The following UMAD1 variants were observed in gnomAD, a reference collection of about 807,000 sequenced individuals.
UMAD1 encodes the protein UBAP1-MVB12-associated (UMA)-domain containing protein 1.
A neutral mutation model predicts 6.1 loss-of-function variants in UMAD1; 8 were observed. That is an observed-to-expected ratio of 1.30 (90% CI 0.76 to 2.35). The LOEUF is 2.35. UMAD1 is among the 30% of genes most tolerant of loss of function. The pLI is 0.00. For missense variants in UMAD1, 130 were observed against 78.4 expected, an observed-to-expected ratio of 1.66 and a Z score of -2.49; for synonymous variants, 56 against 31.4, an observed-to-expected ratio of 1.78 and a Z score of -2.61.
intron 1 of UMAD1, chr7:7,641,537 C>T (rs900507778): frequency 6.6e-6 from 1 of 152,182 alleles, no homozygotes; most frequent in African/African-American, 2.4e-5. Context: ...CTGTCGTTGC[C>T]CTCCACACTG....
intron 3 of UMAD1, among the ~76,000 whole-genome samples, chr7:7,870,117 G>A (rs1260301594): frequency 9.2e-5 from 14 of 152,042 alleles, no homozygotes; most frequent in Admixed American, 9.2e-4. Flanking sequence ...TTTTTTAACA[G>A]GTTAACTGAT....
chr7:7,684,079 C>T (rs967681282), intron 2 of UMAD1, among the ~76,000 whole-genome samples: 3 of 152,194 alleles, frequency 2.0e-5, no homozygotes, highest in Non-Finnish European at 2.9e-5. Context: ...CTCCCATATA[C>T]TTTAAATCAT....
chr7:7,868,394 A>T (rs1164868738), intron 3 of UMAD1: 1 of 152,152 alleles, frequency 6.6e-6, no homozygotes, highest in Admixed American at 6.5e-5. Context: ...CATGGAACAG[A>T]TTACAGAAGC....
At chr7:7,714,278 A>T (rs1344385623) in intron 2 of UMAD1, among the ~76,000 whole-genome samples, 1 of 152,218 alleles carries the variant, frequency 6.6e-6, no homozygotes, top group Non-Finnish European at 1.5e-5. Flanking sequence ...AAATCCTTGG[A>T]TGTTGACAGC....
chr7:7,651,741 A>G (rs1450160822), intron 1 of UMAD1, among the ~76,000 whole-genome samples: 1 of 152,170 alleles, frequency 6.6e-6, no homozygotes, highest in Non-Finnish European at 1.5e-5. Flanking sequence ...GGCATTCATC[A>G]TATGTGACTC....
At chr7:7,790,606 G>A (rs922057290) in intron 2 of UMAD1, among the ~76,000 whole-genome samples, 2 of 152,186 alleles carry the variant, frequency 1.3e-5, no homozygotes, top group African/African-American at 4.8e-5. Flanking sequence ...CTCTGGCCTT[G>A]TAGTGTTTAG....
intron 2 of UMAD1, among the ~76,000 whole-genome samples, chr7:7,711,336 G>C (rs1780757859): frequency 6.6e-6 from 1 of 152,204 alleles, no homozygotes; most frequent in Non-Finnish European, 1.5e-5. Flanking sequence ...ACATATGTGA[G>C]CTTTCCTCTA....
chr7:7,644,354 CTT>C lies in UMAD1; in HGVS notation c.-64+3545_-64+3546del, dbSNP rs35141799. 9.2e-5 allele frequency among the ~76,000 whole-genome samples: 13 copies of C among 141,866 alleles called. 1 individual carries two copies. The highest frequency in any genetic ancestry group is 2.1e-4 in the African/African-American group (8 of 38,954). 93.1% of individuals were successfully genotyped at this position (141,866 alleles called of 152,430 possible). The stretch of plus-strand genomic sequence containing the variant: ...TTCCGTTTCCTTCCTTCATTCCATC[CTT>C]TTTTTTTTTTTATTAGGAAGACCTC... On this transcript the variant is annotated intron_variant, in intron 1 of 3. Coordinates refer to ENST00000682710, the MANE Select transcript of UMAD1 (RefSeq NM_001302348.2).
intron 3 of UMAD1, among the ~76,000 whole-genome samples, chr7:7,844,688 CA>C (rs1209595611): frequency 6.6e-6 from 1 of 152,130 alleles, no homozygotes; most frequent in Non-Finnish European, 1.5e-5. Flanking sequence ...TCTAAGAACA[CA>C]AGGCTGATTC....
chr7:7,778,273 T>TGGGA (rs1193832166), intron 2 of UMAD1, among the ~76,000 whole-genome samples: 1 of 94,782 alleles, frequency 1.1e-5, no homozygotes, highest in Non-Finnish European at 2.3e-5. Context: ...TGTGTGTGTG[T>TGGGA]GTGAGAGAGA....
At position 7,644,064 on chromosome 7, in the gene UMAD1, A is replaced by C. The variant is rs564101399; in HGVS notation, c.-64+3243A>C. ...GGTACCAGTTTACTCTCTTACCTGG[A>C]GTATAAGACAGTTTACAGTTATTGT... On this transcript the variant is annotated intron_variant, in intron 1 of 3. Transcript: ENST00000682710. Among the ~76,000 whole-genome samples, 9 of 152,248 alleles carry C rather than the reference A, an allele frequency of 5.9e-5. No homozygotes were observed. The South Asian group carries it at 8.3e-4, about 14-fold the overall frequency.
rs1380545576 is a variant in UMAD1, at chr7:7,878,606, C to A, written c.*1068C>A. The A allele has an allele frequency of 6.6e-6, 1 of 152,136 alleles. No homozygotes were observed. The highest frequency in any genetic ancestry group is 1.5e-5 in the Non-Finnish European group (1 of 68,012). 9.4% of individuals were successfully genotyped at this position (152,136 alleles called of 1,614,324 possible). On this transcript the variant is annotated 3_prime_UTR_variant, in exon 4 of 4. Coordinates refer to ENST00000682710, the MANE Select transcript of UMAD1 (RefSeq NM_001302348.2). The stretch of plus-strand genomic sequence containing the variant: ...AATTGTGATAGAGAATTTTCTATGT[C>A]ATGGGAAATTGAAATCACATTTATT...
At chr7:7,856,504 G>T (rs67470363) in intron 3 of UMAD1, among the ~76,000 whole-genome samples, 10,340 of 152,248 alleles carry the variant, frequency 0.068, 463 homozygotes, top group Admixed American at 0.15. Context: ...CCTCCCACCA[G>T]GTCCCTCCCG....
chr7:7,756,270 A>C (rs1563181507), intron 2 of UMAD1, among the ~76,000 whole-genome samples: 1 of 152,182 alleles, frequency 6.6e-6, no homozygotes, highest in Admixed American at 6.5e-5. Context: ...ACACCTGGTG[A>C]ATTGACCAAA....
At chr7:7,641,479 T>G (rs1784972921) in intron 1 of UMAD1, 1 of 152,210 alleles carries the variant, frequency 6.6e-6, no homozygotes, top group Non-Finnish European at 1.5e-5. Context: ...GACTCTGACT[T>G]TTGGCCATAT....
At chr7:7,762,052 G>A (rs1302242568) in intron 2 of UMAD1, among the ~76,000 whole-genome samples, 1 of 152,194 alleles carries the variant, frequency 6.6e-6, no homozygotes, top group Non-Finnish European at 1.5e-5. Flanking sequence ...GGGACTAAGG[G>A]CGTGCCAGAA....
intron 2 of UMAD1, among the ~76,000 whole-genome samples, chr7:7,799,019 G>T (rs927362074): frequency 6.6e-6 from 1 of 152,126 alleles, no homozygotes; most frequent in Admixed American, 6.5e-5. Context: ...ATATAAATTA[G>T]AGTTAACTGA....
intron 2 of UMAD1, among the ~76,000 whole-genome samples, chr7:7,759,893 C>T (rs1344693572): frequency 6.6e-6 from 1 of 152,160 alleles, no homozygotes; most frequent in Non-Finnish European, 1.5e-5. Context: ...TCTTCCCTAA[C>T]TTAGGCAGTG....
At chr7:7,817,799 G>A (rs2115292309) in intron 3 of UMAD1, among the ~76,000 whole-genome samples, 1 of 152,174 alleles carries the variant, frequency 6.6e-6, no homozygotes, top group South Asian at 2.1e-4. Context: ...CCTTTTAGAT[G>A]TTTCAGTATG....
Sources: allele counts gnomAD v4.1 joint callset (sites outside exome capture counted in the v4.1 genomes callset), GRCh38; gene constraint gnomAD v4.1.1; transcripts MANE v1.5; gene names NCBI Gene and HGNC (gene_info 2026-07-23, HGNC 2026-07-21).